The following GPC3 variants were observed in gnomAD, a reference collection of about 807,000 sequenced individuals.
The protein encoded by GPC3 is glypican-3.
GPC3 carries 3 observed loss-of-function variants against 34.4 expected under a neutral mutation model. The observed-to-expected ratio is 0.09, with a 90% CI of 0.04 to 0.23. The LOEUF is 0.23. Ranked by LOEUF, GPC3 falls within the 10% of genes least tolerant of loss-of-function variation. The probability of loss-of-function intolerance (pLI) is 1.00; values close to 1 mark genes in which losing one functional copy is unlikely to be tolerated. For synonymous variants in GPC3, 177 were observed against 174.0 expected, an observed-to-expected ratio of 1.02 and a Z score of -0.13; for missense variants, 351 against 445.6, an observed-to-expected ratio of 0.79 and a Z score of 1.91.
intron 2 of GPC3, among the ~76,000 whole-genome samples, chrX:133,847,272 C>T (rs1298078941): frequency 9.0e-6 from 1 of 111,699 alleles, no homozygotes; most frequent in Non-Finnish European, 1.9e-5. Flanking sequence ...GTACATTTTA[C>T]GCTCTCTTAC....
At chrX:133,602,969 C>T (rs1216810696) in intron 6 of GPC3, among the ~76,000 whole-genome samples, 1 of 110,729 alleles carries the variant, frequency 9.0e-6, no homozygotes, top group Non-Finnish European at 1.9e-5. Context: ...CCCCCAAACA[C>T]CTAACAGAAA....
chrX:133,863,648 C>CTTTT lies in GPC3; in HGVS notation c.337+89398_337+89401dup, dbSNP rs1165193952. Among the ~76,000 whole-genome samples, 37 of 72,878 alleles carry CTTTT rather than the reference C, an allele frequency of 5.1e-4. 1 individual carries two copies. The highest frequency in any genetic ancestry group is 2.9e-3 in the African/African-American group (35 of 11,972). 63.3% of individuals were successfully genotyped at this position (72,878 alleles called of 115,157 possible). A position where few individuals can be genotyped will look rare whatever the true frequency, so the allele number is the denominator to read the frequency against. On this transcript the variant is annotated intron_variant, in intron 2 of 7. Transcript: ENST00000370818. ...ACCCCTAGTTAACATAAAAATATTC[C>CTTTT]TTTTTTTTTTTTTTTTTTGAGACGG... is the stretch of plus-strand genomic sequence containing the variant.
intron 5 of GPC3, among the ~76,000 whole-genome samples, chrX:133,679,811 C>T (rs760738132): frequency 8.1e-5 from 9 of 110,592 alleles, no homozygotes; most frequent in Admixed American, 5.8e-4. Context: ...CATGCCACCA[C>T]GCCCGGCTAA....
intron 3 of GPC3, among the ~76,000 whole-genome samples, chrX:133,704,875 C>A (rs760285582): frequency 9.0e-6 from 1 of 111,102 alleles, no homozygotes; most frequent in African/African-American, 3.3e-5. Context: ...TGATCTGATA[C>A]AATTCACTCC....
chrX:133,690,120 G>A (rs1438603139), intron 5 of GPC3, among the ~76,000 whole-genome samples: 1 of 111,404 alleles, frequency 9.0e-6, no homozygotes, highest in Non-Finnish European at 1.9e-5. Flanking sequence ...ATTTACATTT[G>A]CCAGAGAGAA....
rs1165596420 is a variant in GPC3 at position 133,649,995 on chromosome X, C to T, written c.1413+11735G>A. On this transcript the variant is annotated intron_variant, in intron 6 of 7. Coordinates refer to ENST00000370818, the MANE Select transcript of GPC3 (RefSeq NM_004484.4). ...TGTAACTGTGACATCACCCCAACAGCTGAGAGTGATGGTGTCTCAAGAAAG... is the reference window on the plus strand; with the variant it reads ...TGTAACTGTGACATCACCCCAACAGTTGAGAGTGATGGTGTCTCAAGAAAG... 8.0e-5 allele frequency among the ~76,000 whole-genome samples: 9 copies of T among 111,986 alleles called. No homozygotes were observed. In the East Asian group the frequency reaches 2.3e-3, roughly 28 times the overall value.
At chrX:133,864,949 C>T (rs1236087550) in intron 2 of GPC3, among the ~76,000 whole-genome samples, 2 of 112,446 alleles carry the variant, frequency 1.8e-5, no homozygotes, top group East Asian at 5.5e-4. Context: ...AAAAGGATGT[C>T]CCTGTTCTTT....
chrX:133,704,431 G>A (rs1002594493), intron 3 of GPC3, among the ~76,000 whole-genome samples: 7 of 106,372 alleles, frequency 6.6e-5, no homozygotes, highest in Non-Finnish European at 1.2e-4. Flanking sequence ...TAAGTTTTAC[G>A]TCACACGAGA....
intron 5 of GPC3, among the ~76,000 whole-genome samples, chrX:133,669,058 G>A (rs920942763): frequency 1.8e-5 from 2 of 111,538 alleles, no homozygotes; most frequent in East Asian, 2.8e-4. Flanking sequence ...AGAGCCCTGT[G>A]TATAGGGTTT....
intron 2 of GPC3, among the ~76,000 whole-genome samples, chrX:133,878,124 G>A (rs1315231800): frequency 8.9e-6 from 1 of 111,978 alleles, no homozygotes; most frequent in African/African-American, 3.2e-5. Flanking sequence ...TATTACAAGA[G>A]TTAAGATCAT....
chrX:133,701,654 G>A (rs1003390824), intron 3 of GPC3, among the ~76,000 whole-genome samples: 14 of 111,985 alleles, frequency 1.3e-4, no homozygotes, highest in South Asian at 3.7e-4. Flanking sequence ...GATTTTGTGC[G>A]TCTAAGTTAG....
intron 2 of GPC3, among the ~76,000 whole-genome samples, chrX:133,779,051 A>G (rs1394015353): frequency 1.8e-5 from 2 of 112,080 alleles, no homozygotes; most frequent in Non-Finnish European, 3.8e-5. Flanking sequence ...TGATGAGGAA[A>G]CAATTACTAA....
chrX:133,985,133 C>A, intron 1 of GPC3, 142 bp downstream of exon 1: 1 of 609,738 alleles, frequency 1.6e-6, no homozygotes. Context: ...CAGCCAGGCC[C>A]CAGGCACACC....
At chrX:133,816,339 G>A in intron 2 of GPC3, among the ~76,000 whole-genome samples, 1 of 112,163 alleles carries the variant, frequency 8.9e-6, no homozygotes, top group Non-Finnish European at 1.9e-5. Flanking sequence ...ACAGGTGTGA[G>A]CAACTGCACC....
chrX:133,564,878 C>T (rs1459838567), intron 7 of GPC3, among the ~76,000 whole-genome samples: 1 of 112,323 alleles, frequency 8.9e-6, no homozygotes, highest in African/African-American at 3.2e-5. Flanking sequence ...GAAACTTTAA[C>T]TCTTACATAG....
At chrX:133,582,558 T>C (rs1035396918) in intron 7 of GPC3, among the ~76,000 whole-genome samples, 9 of 112,675 alleles carry the variant, frequency 8.0e-5, no homozygotes, top group African/African-American at 2.9e-4. Flanking sequence ...TTGAAACTTT[T>C]ATAGCAATCT....
At chrX:133,955,832 G>A (rs2076414240) in intron 1 of GPC3, among the ~76,000 whole-genome samples, 1 of 112,140 alleles carries the variant, frequency 8.9e-6, no homozygotes, top group African/African-American at 3.2e-5. Flanking sequence ...AGACATTTTA[G>A]ACAGTTTTTC....
At chrX:133,795,223 C>A (rs921100648) in intron 2 of GPC3, among the ~76,000 whole-genome samples, 3 of 112,453 alleles carry the variant, frequency 2.7e-5, no homozygotes, top group African/African-American at 9.7e-5. Flanking sequence ...TCGAAAGAAA[C>A]AAGGAACATT....
At chrX:133,631,819 T>C (rs1468228634) in intron 6 of GPC3, among the ~76,000 whole-genome samples, 1 of 110,856 alleles carries the variant, frequency 9.0e-6, no homozygotes, top group Non-Finnish European at 1.9e-5. Context: ...CCATTCTAAT[T>C]GGGTATGACG....
Sources: allele counts gnomAD v4.1 joint callset (sites outside exome capture counted in the v4.1 genomes callset), GRCh38; gene constraint gnomAD v4.1.1; transcripts MANE v1.5; gene names NCBI Gene and HGNC (gene_info 2026-07-23, HGNC 2026-07-21).